The following MYCBP2 variants were observed in gnomAD, a reference collection of about 807,000 sequenced individuals.
The protein encoded by MYCBP2 is MYC binding protein 2.
MYCBP2 carries 120 observed loss-of-function variants against 525.3 expected under a neutral mutation model. That is an observed-to-expected ratio of 0.23 (90% confidence interval 0.20 to 0.27). The LOEUF (loss-of-function observed/expected upper bound fraction) is 0.27. MYCBP2 is among the 10% of genes least tolerant of loss of function. The pLI is 1.00. For missense variants in MYCBP2, 4,149 were observed against 5,657.1 expected, an observed-to-expected ratio of 0.73 and a Z score of 8.55; for synonymous variants, 1,894 against 1,955.8, an observed-to-expected ratio of 0.97 and a Z score of 0.83.
chr13:77,069,351 C>T (rs1009923330), intron 69 of MYCBP2, among the ~76,000 whole-genome samples: 16 of 152,116 alleles, frequency 1.1e-4, no homozygotes, highest in African/African-American at 2.9e-4. Flanking sequence ...GGCTGGGTGC[C>T]GTGGCTCACG....
Position 77,263,742 on chromosome 13 carries a change from T to C in MYCBP2, c.1479A>G (p.Leu493=). 5 of 1,613,228 alleles carry C rather than the reference T, an allele frequency of 3.1e-6. No individual in the cohort carries two copies. Among genetic ancestry groups the C allele is most frequent in the Non-Finnish European group, 4.2e-6 (5 of 1,179,464 alleles). ...RIFATSTEPV[L]QQELQLKLAR... ...CCAGTTTAAGTTGCAATTCTTGCTG[T>C]AGAACAGGTTCAGTGCTTGTGGCAA... is the stretch of plus-strand genomic sequence containing the variant. Residue 493 remains leucine (L), a synonymous_variant, in exon 10 of 83, where the codon CTA becomes CTG. Transcript: ENST00000544440.
chr13:77,308,568 T>C (rs1471610023), intron 1 of MYCBP2, among the ~76,000 whole-genome samples: 2 of 152,348 alleles, frequency 1.3e-5, no homozygotes, highest in Middle Eastern at 3.4e-3. Flanking sequence ...TGGTATTTAG[T>C]AAGTGCTAAA....
chr13:77,165,177 A>C, intron 42 of MYCBP2, 96 bp downstream of exon 42: 1 of 1,062,900 alleles, frequency 9.4e-7, no homozygotes, highest in Non-Finnish European at 1.4e-6. Flanking sequence ...TTTCGAATAG[A>C]GGCAACAGTA....
Position 77,174,460 on chromosome 13 carries a change from C to T in MYCBP2, c.5502G>A (p.Arg1834=), listed in dbSNP as rs1177067241. ...KENVKYAVRL[R]NYGSRTANGD... ...CATTGGCTGTACGGCTTCCATAGTT[C>T]CTCAAGCGCACAGCATATTTAACAT... The change falls in exon 37 of 83, where the codon AGG becomes AGA. Residue 1834 remains arginine, a synonymous_variant. Coordinates refer to ENST00000544440, the MANE Select transcript of MYCBP2 (RefSeq NM_015057.5). 2.5e-6 allele frequency: 4 copies of T among 1,613,992 alleles called. No individual in the cohort carries two copies. The highest frequency in any genetic ancestry group is 8.5e-7 in the Non-Finnish European group (1 of 1,179,956).
intron 60 of MYCBP2, 124 bp downstream of exon 60, chr13:77,089,982 C>T (rs2045108918): frequency 1.3e-6 from 1 of 779,730 alleles, no homozygotes; most frequent in Non-Finnish European, 1.9e-6. Flanking sequence ...GTCAATCACA[C>T]ATTAGAAATT....
intron 55 of MYCBP2, among the ~76,000 whole-genome samples, chr13:77,118,731 A>G (rs946645833): frequency 2.6e-5 from 4 of 152,070 alleles, no homozygotes; most frequent in Non-Finnish European, 5.9e-5. Context: ...GCCCACCTAT[A>G]AAAACAAATC....
At chr13:77,292,748 C>T (rs758660840) in intron 2 of MYCBP2, among the ~76,000 whole-genome samples, 3 of 151,908 alleles carry the variant, frequency 2.0e-5, no homozygotes, top group Non-Finnish European at 4.4e-5. Context: ...CACCTGAGGT[C>T]AGGAGTTTGA....
chr13:77,093,560 CCTTTT>C (rs1407245780), intron 58 of MYCBP2, among the ~76,000 whole-genome samples: 4 of 152,148 alleles, frequency 2.6e-5, no homozygotes, highest in Non-Finnish European at 5.9e-5. Context: ...CAGTTTCTTT[CCTTTT>C]GAGAACTTTT....
At chr13:77,215,214 G>T (rs2064649261) in intron 21 of MYCBP2, among the ~76,000 whole-genome samples, 1 of 151,964 alleles carries the variant, frequency 6.6e-6, no homozygotes, top group Non-Finnish European at 1.5e-5. Flanking sequence ...AGGGTGAGGG[G>T]AATCTTAAAC....
At chr13:77,068,519 T>C in intron 70 of MYCBP2, 46 bp downstream of exon 70, 1 of 1,584,884 alleles carries the variant, frequency 6.3e-7, no homozygotes, top group South Asian at 1.1e-5. Flanking sequence ...TTTAACAATG[T>C]TTCAAGTAAC....
intron 47 of MYCBP2, among the ~76,000 whole-genome samples, chr13:77,149,454 T>C (rs1486608321): frequency 6.6e-6 from 1 of 151,950 alleles, no homozygotes; most frequent in African/African-American, 2.4e-5. Context: ...CTCAGTGATA[T>C]TGGTGTTTCT....
At chr13:77,220,724 C>A (rs1235518145) in intron 20 of MYCBP2, among the ~76,000 whole-genome samples, 1 of 152,162 alleles carries the variant, frequency 6.6e-6, no homozygotes, top group Non-Finnish European at 1.5e-5. Context: ...GATTGTTCCT[C>A]TATAGACATA....
chr13:77,104,871 T>A (rs539152100), intron 55 of MYCBP2, among the ~76,000 whole-genome samples: 129 of 152,236 alleles, frequency 8.5e-4, no homozygotes, highest in Admixed American at 1.5e-3. Flanking sequence ...GCCATCTTAA[T>A]CTAAGTTTTA....
intron 52 of MYCBP2, among the ~76,000 whole-genome samples, chr13:77,128,308 C>T (rs2052064432): frequency 6.6e-6 from 1 of 151,938 alleles, no homozygotes; most frequent in East Asian, 1.9e-4. Flanking sequence ...AAGTTTTAAT[C>T]CCACTCACAA....
intron 80 of MYCBP2, among the ~76,000 whole-genome samples, chr13:77,053,958 T>G (rs757890030): frequency 3.3e-5 from 5 of 152,132 alleles, no homozygotes; most frequent in Admixed American, 6.5e-5. Context: ...GGCAGAGAGA[T>G]AAGTGGTCCA....
intron 61 of MYCBP2, among the ~76,000 whole-genome samples, chr13:77,088,526 T>C (rs1053007780): frequency 6.6e-6 from 1 of 152,102 alleles, no homozygotes; most frequent in African/African-American, 2.4e-5. Context: ...GATTACTCTG[T>C]CATTTCATTC....
intron 69 of MYCBP2, among the ~76,000 whole-genome samples, chr13:77,069,739 G>C (rs1285691892): frequency 6.6e-6 from 1 of 150,846 alleles, no homozygotes; most frequent in African/African-American, 2.4e-5. Context: ...GTGGTGGCAG[G>C]CATCTGTAGT....
In MYCBP2 at chr13:77,097,765, T is replaced by C; in HGVS notation, c.9389A>G (p.His3130Arg). 12 of 1,613,716 alleles carry C rather than the reference T, an allele frequency of 7.4e-6. No individual in the cohort carries two copies. The highest frequency in any genetic ancestry group is 1.0e-5 in the Non-Finnish European group (12 of 1,179,800). The part of the protein sequence containing the change: ...VLSMLKEPPL[H>R]EKCEDGKTET... ...GGTTTTCCCATCCTCACATTTTTCA[T>C]GCAGAGGTGGTTCCTTAAGCATAGA... The change falls in exon 56 of 83, where the codon CAT becomes CGT. Residue 3130 changes from histidine (H) to arginine (R), a missense_variant. Around this residue, in one of 21 missense-constraint regions of MYCBP2, gnomAD observed 653 missense variants for 744.7 expected, o/e 0.88. Transcript: ENST00000544440.
At chr13:77,082,987 A>T in intron 63 of MYCBP2, 45 bp downstream of exon 63, 1 of 1,537,834 alleles carries the variant, frequency 6.5e-7, no homozygotes, top group East Asian at 2.3e-5. Flanking sequence ...TATTCCATAA[A>T]CTCTCTTGTC....
Sources: allele counts gnomAD v4.1 joint callset (sites outside exome capture counted in the v4.1 genomes callset), GRCh38; gene constraint gnomAD v4.1.1; regional missense constraint gnomAD v4.1.1; transcripts MANE v1.5; gene names NCBI Gene and HGNC (gene_info 2026-07-23, HGNC 2026-07-21).